The following SYNPO variants were observed in gnomAD, a reference collection of about 807,000 sequenced individuals.
The protein encoded by SYNPO is synaptopodin.
Under a neutral mutation model 49.5 loss-of-function variants are expected in SYNPO, and 19 were observed. The ratio of observed to expected loss-of-function variants is 0.38; its 90% CI spans 0.27 to 0.56. The LOEUF is 0.56. Ranked by LOEUF, SYNPO falls within the 20% of genes least tolerant of loss-of-function variation. The pLI is 0.68. For synonymous variants in SYNPO, 536 were observed against 548.0 expected (o/e 0.98, Z 0.31); for missense variants, 1,131 against 1,248.3 (o/e 0.91, Z 1.42).
chr5:150,642,353 A>C (rs1757939152), intron 1 of SYNPO, among the ~76,000 whole-genome samples: 1 of 152,142 alleles, frequency 6.6e-6, no homozygotes, highest in Admixed American at 6.5e-5. Flanking sequence ...CTCCTGATCC[A>C]GTGTCCAGGG....
upstream of SYNPO, among the ~76,000 whole-genome samples, chr5:150,638,090 G>A (rs187760152): frequency 1.8e-3 from 275 of 152,162 alleles, no homozygotes; most frequent in African/African-American, 5.0e-3. Flanking sequence ...TGGGGTATGG[G>A]GGTAGGTAGG....
exon 2 of SYNPO, chr5:150,618,741 C>T: frequency 1.3e-6 from 2 of 1,551,310 alleles, no homozygotes; most frequent in Non-Finnish European, 1.7e-6. Flanking sequence ...AGCCCTGGCC[C>T]TGGGCCCAGA....
upstream of SYNPO, among the ~76,000 whole-genome samples, chr5:150,596,474 GCGAGTTGA>G (rs1756426390): frequency 6.6e-6 from 1 of 152,128 alleles, no homozygotes; most frequent in South Asian, 2.1e-4. Flanking sequence ...TAGGTACTTG[GCGAGTTGA>G]CGGACGGCCC....
At chr5:150,644,729 G>A (rs1758026781) in intron 1 of SYNPO, among the ~76,000 whole-genome samples, 1 of 152,190 alleles carries the variant, frequency 6.6e-6, no homozygotes, top group Non-Finnish European at 1.5e-5. Context: ...AGCAGAGCAG[G>A]GGAGACAGAC....
exon 2 of SYNPO, chr5:150,618,177 GA>G (rs1183537318): frequency 1.5e-6 from 1 of 657,480 alleles, no homozygotes; most frequent in Non-Finnish European, 2.4e-6. Context: ...ACTAGCCCAG[GA>G]AGGACTTATC....
chr5:150,615,928 G>A (rs988175943), intron 1 of SYNPO, among the ~76,000 whole-genome samples: 3 of 152,204 alleles, frequency 2.0e-5, no homozygotes, highest in African/African-American at 7.2e-5. Context: ...TCTCTCATAG[G>A]GTTGATGTGA....
At chr5:150,623,646 T>A (rs916234746) in intron 2 of SYNPO, among the ~76,000 whole-genome samples, 2 of 152,224 alleles carry the variant, frequency 1.3e-5, no homozygotes, top group Non-Finnish European at 2.9e-5. Context: ...GGAGGGTTCC[T>A]GCATTCTGAG....
At chr5:150,636,498 A>G (rs1299129346), upstream of SYNPO, among the ~76,000 whole-genome samples, 1 of 152,190 alleles carries the variant, frequency 6.6e-6, no homozygotes. Context: ...CCAAATTGTG[A>G]CAGGACAGAC....
chr5:150,610,993 T>C (rs778922003), intron 1 of SYNPO, among the ~76,000 whole-genome samples: 3 of 152,332 alleles, frequency 2.0e-5, no homozygotes, highest in African/African-American at 7.2e-5. Context: ...CTAATGTTGG[T>C]TTGTGTTTTT....
chr5:150,603,368 C>G (rs1307785420), intron 1 of SYNPO, among the ~76,000 whole-genome samples: 1 of 152,234 alleles, frequency 6.6e-6, no homozygotes, highest in Non-Finnish European at 1.5e-5. Context: ...TGCAAGGGTT[C>G]TGGGGGGGCC....
chr5:150,656,579 G>C lies in SYNPO; in HGVS notation c.2204G>C (p.Arg735Pro), dbSNP rs747604754. The C allele has an allele frequency of 3.6e-5, 55 of 1,520,370 alleles. No homozygotes were observed. Among genetic ancestry groups the C allele is most frequent in the Non-Finnish European group, 7.9e-6 (9 of 1,141,344 alleles). The allele number at this position is 1,520,370 out of a possible 1,614,324, so 94.2% of individuals were successfully genotyped here. A position where few individuals can be genotyped will look rare whatever the true frequency, so the allele number is the denominator to read the frequency against. The change falls in exon 3 of 3, where the codon CGC (arginine) becomes CCC (proline). Residue 735 changes from arginine (R) to proline (P), a missense_variant. Arg to Pro is a moderately radical substitution (Grantham distance 103). Transcript: ENST00000307662. ...PPPMSPSWSERSVSPLRPETE... is the reference protein window; with the variant it reads ...PPPMSPSWSEPSVSPLRPETE... Reference sequence around the variant, plus strand: ...CCCATGTCTCCCTCGTGGAGCGAGCGCTCGGTGTCCCCGCTGCGACCTGAG... The same window carrying C: ...CCCATGTCTCCCTCGTGGAGCGAGCCCTCGGTGTCCCCGCTGCGACCTGAG...
intron 2 of SYNPO, among the ~76,000 whole-genome samples, chr5:150,632,479 G>A (rs189180985): frequency 1.3e-5 from 2 of 152,216 alleles, no homozygotes; most frequent in Admixed American, 6.5e-5. Context: ...TGAACAAGGA[G>A]GGGGAGGAGT....
chr5:150,596,229 T>G (rs542435167), upstream of SYNPO, among the ~76,000 whole-genome samples: 1 of 151,266 alleles, frequency 6.6e-6, no homozygotes, highest in Non-Finnish European at 1.5e-5. Context: ...GGGGAGGGGG[T>G]CACCCTGCCT....
At chr5:150,619,093 A>G (rs1023754210) in intron 2 of SYNPO, among the ~76,000 whole-genome samples, 1 of 152,070 alleles carries the variant, frequency 6.6e-6, no homozygotes. Flanking sequence ...CATTAGCGGC[A>G]ACAAATCACT....
rs1438047785 is a variant in SYNPO at position 150,656,730 on chromosome 5, G to T, written c.2355G>T (p.Pro785=). 7.5e-7 allele frequency: 1 copy of T among 1,326,544 alleles called. No homozygotes were observed. The highest frequency in any genetic ancestry group is 9.6e-7 in the Non-Finnish European group (1 of 1,040,566). The allele number at this position is 1,326,544 out of a possible 1,614,324, so 82.2% of individuals were successfully genotyped here. A position where few individuals can be genotyped will look rare whatever the true frequency, so the allele number is the denominator to read the frequency against. ...CCGAGAACCCGCGGCCCTTCTCCCC[G>T]CCGAGGGCGCCACCGCCCCCGCCCC... ...AGAENPRPFS[P]PRAPPPPPPP... Residue 785 remains proline, a synonymous_variant, in exon 3 of 3, where the codon CCG becomes CCT. Coordinates refer to ENST00000307662, the MANE Select transcript of SYNPO (RefSeq NM_007286.6).
chr5:150,602,229 T>A (rs1756562622), intron 1 of SYNPO, among the ~76,000 whole-genome samples: 1 of 152,208 alleles, frequency 6.6e-6, no homozygotes, highest in African/African-American at 2.4e-5. Flanking sequence ...GGCGCCAGGC[T>A]CTGGGTTCTG....
chr5:150,628,170 C>G (rs1757424984), intron 2 of SYNPO, among the ~76,000 whole-genome samples: 1 of 152,036 alleles, frequency 6.6e-6, no homozygotes, highest in South Asian at 2.1e-4. Flanking sequence ...CCCTGTAATT[C>G]CAAAGGCTTA....
intron 2 of SYNPO, among the ~76,000 whole-genome samples, chr5:150,626,774 G>C (rs1757370974): frequency 6.6e-6 from 1 of 152,204 alleles, no homozygotes. Context: ...GGCCAAGGAG[G>C]GGAAGAGGTT....
At position 150,641,209 on chromosome 5, in the gene SYNPO, T is replaced by G. The variant is rs537270654; in HGVS notation, c.-333+355T>G. ...CATTTCCTCCTTTCAGTGGGAGGAA[T>G]GGGGAAGGGGCTGGCAAGGTAGCCA... On this transcript the variant is annotated intron_variant, in intron 1 of 2. Coordinates refer to ENST00000307662, the MANE Select transcript of SYNPO (RefSeq NM_007286.6). Among the ~76,000 whole-genome samples, 10 of 152,254 alleles carry G rather than the reference T, an allele frequency of 6.6e-5. No homozygotes were observed. The South Asian group carries it at 2.1e-3, about 32-fold the overall frequency.
Sources: gnomAD v4.1 joint callset for allele counts (sites outside exome capture counted in the v4.1 genomes callset) on GRCh38, gnomAD v4.1.1 for gene constraint, MANE v1.5 for transcripts, NCBI Gene and HGNC (gene_info 2026-07-23, HGNC 2026-07-21) for gene names.